Variants in ARHGEF3 observed in about 807,000 individuals in gnomAD.
The protein encoded by ARHGEF3 is Rho guanine nucleotide exchange factor 3.
Under a neutral mutation model 63.2 loss-of-function variants are expected in ARHGEF3, and 28 were observed. The ratio of observed to expected loss-of-function variants is 0.44; its 90% CI spans 0.33 to 0.61. ARHGEF3 has a LOEUF of 0.61. ARHGEF3 is among the 20% of genes least tolerant of loss of function. ARHGEF3 has a pLI of 0.03. For synonymous variants in ARHGEF3, 266 were observed against 254.2 expected (o/e 1.05, Z -0.44); for missense variants, 533 against 659.3 (o/e 0.81, Z 2.10).
At chr3:56,796,989 C>CT (rs917876503) in intron 1 of ARHGEF3, among the ~76,000 whole-genome samples, 4 of 151,604 alleles carry the variant, frequency 2.6e-5, no homozygotes, top group Admixed American at 6.6e-5. Context: ...TTTTAAGAAT[C>CT]TTTTTTTTTG....
intron 3 of ARHGEF3, among the ~76,000 whole-genome samples, chr3:56,956,999 A>G (rs556626037): frequency 1.3e-5 from 2 of 152,310 alleles, no homozygotes; most frequent in South Asian, 4.1e-4. Context: ...GGCTCTGAGA[A>G]GCCCTGCAGT....
At chr3:56,869,169 A>AG in intron 4 of ARHGEF3, among the ~76,000 whole-genome samples, 2 of 152,136 alleles carry the variant, frequency 1.3e-5, no homozygotes, top group South Asian at 4.2e-4. Context: ...TTAAAAAAAA[A>AG]AAAGTTCCAT....
At chr3:57,025,262 G>A (rs1167224079) in intron 2 of ARHGEF3, among the ~76,000 whole-genome samples, 1 of 152,174 alleles carries the variant, frequency 6.6e-6, no homozygotes, top group Non-Finnish European at 1.5e-5. Flanking sequence ...TCTGGATCCT[G>A]AAGAAGAGTT....
intron 2 of ARHGEF3, among the ~76,000 whole-genome samples, chr3:56,759,361 G>T (rs758952491): frequency 4.6e-5 from 7 of 151,844 alleles, no homozygotes; most frequent in Non-Finnish European, 8.8e-5. Flanking sequence ...TGTATTTTTA[G>T]TAGAGATGGG....
intron 2 of ARHGEF3, 34 bp from the exon 3 acceptor site, chr3:56,755,185 C>G (rs776885856): frequency 6.2e-7 from 1 of 1,605,666 alleles, no homozygotes; most frequent in South Asian, 1.1e-5. Context: ...ATCACGGGGG[C>G]AGCGGCAGGA....
At chr3:56,755,263 G>A (rs543935895) in intron 2 of ARHGEF3, 112 bp from the exon 3 acceptor site, 2 of 1,250,528 alleles carry the variant, frequency 1.6e-6, no homozygotes, top group Admixed American at 2.3e-5. Context: ...AAGAAAAAGA[G>A]GACATTGCCA....
intron 3 of ARHGEF3, among the ~76,000 whole-genome samples, chr3:56,941,329 TC>T (rs1333030155): frequency 6.6e-6 from 1 of 152,216 alleles, no homozygotes; most frequent in African/African-American, 2.4e-5. Context: ...TGCCTCAGGC[TC>T]CCAAGCAGCT....
chr3:56,967,466 TATATA>T (rs1478173724), intron 2 of ARHGEF3, among the ~76,000 whole-genome samples: 2 of 62,506 alleles, frequency 3.2e-5, no homozygotes, highest in African/African-American at 6.6e-5. Context: ...TATTATATAT[TATATA>T]ATATATTATA....
At chr3:56,854,986 T>C (rs574913329) in intron 4 of ARHGEF3, among the ~76,000 whole-genome samples, 1 of 152,246 alleles carries the variant, frequency 6.6e-6, no homozygotes, top group East Asian at 1.9e-4. Context: ...GTCAATCTTA[T>C]GTAGCACATG....
intron 3 of ARHGEF3, among the ~76,000 whole-genome samples, chr3:56,952,941 T>C (rs1397187120): frequency 1.3e-5 from 2 of 152,302 alleles, no homozygotes; most frequent in South Asian, 4.1e-4. Flanking sequence ...TAATATACTC[T>C]AACGGCCTGG....
At chr3:56,908,858 G>A (rs2041775645) in intron 3 of ARHGEF3, among the ~76,000 whole-genome samples, 1 of 152,134 alleles carries the variant, frequency 6.6e-6, no homozygotes, top group Non-Finnish European at 1.5e-5. Flanking sequence ...CCATTACTGG[G>A]TATATACCCA....
intron 3 of ARHGEF3, among the ~76,000 whole-genome samples, chr3:56,920,772 G>T (rs1249971467): frequency 2.0e-5 from 3 of 152,170 alleles, no homozygotes; most frequent in Admixed American, 6.5e-5. Flanking sequence ...CATGGCCAAG[G>T]CCGGGCACGA....
At chr3:56,885,985 G>A (rs995810640) in intron 3 of ARHGEF3, among the ~76,000 whole-genome samples, 5 of 152,128 alleles carry the variant, frequency 3.3e-5, no homozygotes, top group East Asian at 1.9e-4. Flanking sequence ...CTTTTGACAC[G>A]CAAAACCCCA....
intron 1 of ARHGEF3, among the ~76,000 whole-genome samples, chr3:56,783,914 T>G (rs768625768): frequency 6.6e-6 from 1 of 152,232 alleles, no homozygotes; most frequent in Non-Finnish European, 1.5e-5. Context: ...CATTGAAGTT[T>G]AGCAGAAAAC....
At chr3:57,004,693 G>A (rs997146554) in intron 2 of ARHGEF3, among the ~76,000 whole-genome samples, 2 of 152,214 alleles carry the variant, frequency 1.3e-5, no homozygotes, top group Non-Finnish European at 2.9e-5. Flanking sequence ...TGCAGCCGGC[G>A]CAGTGGCTCA....
At chr3:56,797,013 TTAATAA>T (rs949497395) in intron 1 of ARHGEF3, among the ~76,000 whole-genome samples, 1 of 152,164 alleles carries the variant, frequency 6.6e-6, no homozygotes. Flanking sequence ...TGTAAAGGTC[TTAATAA>T]TAATGACATT....
rs541234077 is a variant in ARHGEF3, at chr3:56,945,587, G to A, written c.129+13236C>T. Among the ~76,000 whole-genome samples the A allele has an allele frequency of 4.2e-4, 64 of 152,270 alleles. 1 individual carries two copies. Among genetic ancestry groups the A allele is most frequent in the Admixed American group, 2.9e-3 (45 of 15,304 alleles). On this transcript the variant is annotated intron_variant, in intron 3 of 12. Transcript: ENST00000338458. ...GCAGCAGCAAGGCTGGAGGAGGGGCGCCTGCCATTGCTGATGCTTGAGTAG... is the reference window on the plus strand; with the variant it reads ...GCAGCAGCAAGGCTGGAGGAGGGGCACCTGCCATTGCTGATGCTTGAGTAG...
At chr3:57,038,294 T>C (rs1384669920) in intron 1 of ARHGEF3, among the ~76,000 whole-genome samples, 2 of 152,214 alleles carry the variant, frequency 1.3e-5, no homozygotes, top group African/African-American at 4.8e-5. Flanking sequence ...GGGTAAGGAA[T>C]AGTGTCTCAA....
At chr3:56,744,885 AAT>A (rs1559896303) in intron 7 of ARHGEF3, among the ~76,000 whole-genome samples, 1 of 152,200 alleles carries the variant, frequency 6.6e-6, no homozygotes, top group African/African-American at 2.4e-5. Context: ...CAAAATTTAA[AAT>A]ATACACAAAG....
Sources: gnomAD v4.1 joint callset for allele counts (sites outside exome capture counted in the v4.1 genomes callset) on GRCh38, gnomAD v4.1.1 for gene constraint, MANE v1.5 for transcripts, NCBI Gene and HGNC (gene_info 2026-07-23, HGNC 2026-07-21) for gene names.